Variants in ABCA12 observed in about 807,000 individuals in gnomAD.
The protein encoded by ABCA12 is glucosylceramide transporter ABCA12.
In ABCA12, 156 loss-of-function variants were observed where a neutral mutation model predicts 293.5. The ratio of observed to expected loss-of-function variants is 0.53; its 90% CI spans 0.47 to 0.61. The LOEUF (loss-of-function observed/expected upper bound fraction) is 0.61, where lower values mean the gene tolerates loss of function less well. ABCA12 is among the 20% of genes least tolerant of loss of function. The pLI is 0.00. For missense variants in ABCA12, 2,797 were observed against 3,090.2 expected (o/e 0.91, Z 2.25); for synonymous variants, 1,063 against 1,108.0 (o/e 0.96, Z 0.81).
At chr2:215,097,730 G>C (rs767731712) in intron 2 of ABCA12, among the ~76,000 whole-genome samples, 17 of 152,102 alleles carry the variant, frequency 1.1e-4, no homozygotes, top group Non-Finnish European at 1.8e-4. Flanking sequence ...TGTTCTGGGA[G>C]TTTGGCTACA....
chr2:215,136,023 T>C (rs1703218694), intron 1 of ABCA12, among the ~76,000 whole-genome samples: 2 of 152,174 alleles, frequency 1.3e-5, no homozygotes, highest in South Asian at 4.1e-4. Flanking sequence ...TTGGTTATAA[T>C]GGATTCAGGT....
At chr2:214,946,271 G>A (rs923430126) in intron 48 of ABCA12, among the ~76,000 whole-genome samples, 3 of 152,026 alleles carry the variant, frequency 2.0e-5, no homozygotes, top group African/African-American at 7.2e-5. Context: ...TTAATTTGGG[G>A]AAACAAAGGA....
Position 215,121,344 on chromosome 2 carries a change from G to A in ABCA12, c.70-9654C>T, listed in dbSNP as rs527695852. 2.0e-5 allele frequency among the ~76,000 whole-genome samples: 3 copies of A among 152,328 alleles called. No individual in the cohort carries two copies. The East Asian group carries it at 5.8e-4, about 29-fold the overall frequency. On this transcript the variant is annotated intron_variant, in intron 1 of 52. Transcript: ENST00000272895. ...TTGAAAGTCATTTAAAGGACTTTCT[G>A]TAACCTAGAACTTTTTATTGCAAAC...
In ABCA12 at chr2:214,990,877, T is replaced by C. The variant is rs763481154; in HGVS notation, c.3449A>G (p.Tyr1150Cys). The change falls in exon 24 of 53, where the codon TAT (tyrosine) becomes TGT (cysteine). Residue 1150 changes from tyrosine to cysteine, a missense_variant. Physicochemically the swap from Tyr to Cys is radical, Grantham distance 194. Around this residue, in one of 3 missense-constraint regions of ABCA12, gnomAD observed 2,130 missense variants for 2,427.0 expected, o/e 0.88. Transcript: ENST00000272895. ...PKTNGFILFL[Y>C]FSDYSFSVIA... ...AACCGAGAAGCTGTAGTCCGAAAAA[T>C]ACAGGAACAAAATGAACCCATTTGT... The C allele has an allele frequency of 1.2e-6, 2 of 1,613,808 alleles. No individual in the cohort carries two copies. Among genetic ancestry groups the C allele is most frequent in the Admixed American group, 1.7e-5 (1 of 59,984 alleles).
intron 1 of ABCA12, among the ~76,000 whole-genome samples, chr2:215,131,700 TTG>T (rs386654998): frequency 0.089 from 6,646 of 74,566 alleles, 315 homozygotes; most frequent in African/African-American, 0.25. Context: ...ATCCTTTCTA[TTG>T]TTTTTTTTTT....
chr2:215,045,957 G>T lies in ABCA12; in HGVS notation c.752C>A (p.Ser251Tyr). The part of the protein sequence containing the change: ...IVFQEIVRML[S>Y]FFSQVQEQKA... ...CTGCTCTTGCACTTGTGAGAAGAAA[G>T]ACAGCATTCTGACTATTTCCTGAAA... Residue 251 changes from serine to tyrosine, a missense_variant, in exon 7 of 53, where the codon TCT (serine) becomes TAT (tyrosine). Around this residue, in one of 3 missense-constraint regions of ABCA12, gnomAD observed 656 missense variants for 638.2 expected, o/e 1.03. Transcript: ENST00000272895. The T allele has an allele frequency of 6.2e-7, 1 of 1,613,680 alleles. No homozygotes were observed. Among genetic ancestry groups the T allele is most frequent in the Non-Finnish European group, 8.5e-7 (1 of 1,179,786 alleles).
In ABCA12 at chr2:215,075,359, C is replaced by A. The variant is rs1369343185; in HGVS notation, c.164-11140G>T. 7.8e-6 allele frequency: 4 copies of A among 515,706 alleles called. 1 individual carries two copies. Among genetic ancestry groups the A allele is most frequent in the African/African-American group, 2.0e-5 (1 of 50,526 alleles). The allele number at this position is 515,706 out of a possible 1,614,324, so 31.9% of individuals were successfully genotyped here. On this transcript the variant is annotated intron_variant, in intron 2 of 52. Transcript: ENST00000272895. ...GCCCTTTTCAACTTCTTCCCCAAAT[C>A]TTTGCCCTTCTAGTAACCTGAGCTA...
rs555156180 is a variant in ABCA12, at chr2:214,994,852, G to A, written c.3294+2843C>T. On this transcript the variant is annotated intron_variant, in intron 23 of 52. Coordinates refer to ENST00000272895, the MANE Select transcript of ABCA12 (RefSeq NM_173076.3). ...CACATATATTTTAGGCTACCTGTCT[G>A]AACTGAGAGAATGACTCCAAAATTC... Among the ~76,000 whole-genome samples, 25 of 152,198 alleles carry A rather than the reference G, an allele frequency of 1.6e-4. No individual in the cohort carries two copies. The South Asian group carries it at 3.3e-3, about 20-fold the overall frequency.
In ABCA12 at chr2:214,958,421, C is replaced by T. The variant is rs752520702; in HGVS notation, c.5973G>A (p.Leu1991=). 6 of 1,613,784 alleles carry T rather than the reference C, an allele frequency of 3.7e-6. No individual in the cohort carries two copies. Among genetic ancestry groups the T allele is most frequent in the Non-Finnish European group, 5.1e-6 (6 of 1,179,890 alleles). Residue 1991 remains leucine, a synonymous_variant, in exon 41 of 53, where the codon CTG becomes CTA. Coordinates refer to ENST00000272895, the MANE Select transcript of ABCA12 (RefSeq NM_173076.3). ...ISSLIDILVA[L]SILMGYSVTT... ...TGACAGAGTAGCCCATCAAGATAGA[C>T]AGTGCCACTAAAATATCGATTAAAC...
intron 1 of ABCA12, among the ~76,000 whole-genome samples, chr2:215,134,414 A>G (rs1266831295): frequency 2.7e-5 from 4 of 146,524 alleles, no homozygotes; most frequent in Non-Finnish European, 6.0e-5. Flanking sequence ...ATATGTATAT[A>G]TGTACATATA....
In ABCA12 at chr2:215,018,016, T is replaced by C. The variant is rs1700544057; in HGVS notation, c.1774A>G (p.Arg592Gly). 1 of 1,613,916 alleles carries C rather than the reference T, an allele frequency of 6.2e-7. No individual in the cohort carries two copies. Among genetic ancestry groups the C allele is most frequent in the African/African-American group, 1.3e-5 (1 of 74,934 alleles). ...AACACATGACACCCCACCTCAGCTCTATTATCAGGGATGGGAATGGCCAGC... is the reference window on the plus strand; with the variant it reads ...AACACATGACACCCCACCTCAGCTCCATTATCAGGGATGGGAATGGCCAGC... The part of the protein sequence containing the change: ...KLLAIPIPDN[R>G]AEIISQVFWL... Residue 592 changes from arginine (R) to glycine (G), a missense_variant, in exon 14 of 53, where the codon AGA becomes GGA. By Grantham distance (125) the Arg-to-Gly change is moderately radical (BLOSUM62 -2). Transcript: ENST00000272895.
At chr2:214,940,123 T>C (rs193149636) in intron 50 of ABCA12, among the ~76,000 whole-genome samples, 18 of 152,306 alleles carry the variant, frequency 1.2e-4, no homozygotes, top group Non-Finnish European at 2.6e-4. Flanking sequence ...CTCTCATTAT[T>C]TTGAGATACA....
At chr2:214,988,910 G>A (rs1047869124) in intron 26 of ABCA12, among the ~76,000 whole-genome samples, 1 of 151,560 alleles carries the variant, frequency 6.6e-6, no homozygotes, top group Non-Finnish European at 1.5e-5. Context: ...CGGGCATGGT[G>A]GCTCTTGCCC....
intron 1 of ABCA12, among the ~76,000 whole-genome samples, chr2:215,130,531 C>A (rs1288033863): frequency 6.6e-6 from 1 of 152,014 alleles, no homozygotes; most frequent in African/African-American, 2.4e-5. Context: ...TCAGATATAT[C>A]ATTGTTGGTG....
intron 19 of ABCA12, among the ~76,000 whole-genome samples, chr2:215,006,494 T>C (rs1339225945): frequency 1.3e-5 from 2 of 152,174 alleles, no homozygotes; most frequent in Non-Finnish European, 1.5e-5. Context: ...TATGATAAAA[T>C]TTGGGTTGTA....
chr2:215,032,088 G>C (rs1449404894), intron 8 of ABCA12, 192 bp from the exon 9 acceptor site: 17 of 1,446,578 alleles, frequency 1.2e-5, no homozygotes, highest in Non-Finnish European at 1.4e-5. Context: ...ATAGGAAATA[G>C]ATGCCTACTG....
intron 7 of ABCA12, chr2:215,044,489 G>T (rs985422190): frequency 6.6e-6 from 1 of 152,134 alleles, no homozygotes; most frequent in Non-Finnish European, 1.5e-5. Flanking sequence ...AAATAAATAG[G>T]AGGAAAAGGA....
intron 2 of ABCA12, among the ~76,000 whole-genome samples, chr2:215,088,861 C>T (rs1448340785): frequency 6.6e-6 from 1 of 152,020 alleles, no homozygotes. Flanking sequence ...CTGGAATGAG[C>T]TTTAGTAGCA....
intron 21 of ABCA12, 144 bp downstream of exon 21, chr2:215,001,414 A>T: frequency 1.0e-6 from 1 of 963,490 alleles, no homozygotes; most frequent in Non-Finnish European, 1.6e-6. Flanking sequence ...GGTTGCCTAC[A>T]TGAAAGGTTC....
Sources: allele counts gnomAD v4.1 joint callset (sites outside exome capture counted in the v4.1 genomes callset), GRCh38; gene constraint gnomAD v4.1.1; regional missense constraint gnomAD v4.1.1; transcripts MANE v1.5; gene names NCBI Gene and HGNC (gene_info 2026-07-23, HGNC 2026-07-21).